The following MDGA2 variants were observed in gnomAD, a reference collection of about 807,000 sequenced individuals.
The protein encoded by MDGA2 is MAM domain containing glycosylphosphatidylinositol anchor 2, also known as MAM domain-containing glycosylphosphatidylinositol anchor protein 2.
MDGA2 carries 40 observed loss-of-function variants against 117.8 expected under a neutral mutation model. The ratio of observed to expected loss-of-function variants is 0.34; its 90% CI spans 0.26 to 0.44. MDGA2 has a LOEUF of 0.44. MDGA2 is among the 20% of genes least tolerant of loss of function. The probability of loss-of-function intolerance (pLI) is 1.00; values close to 1 mark genes in which losing one functional copy is unlikely to be tolerated. For synonymous variants in MDGA2, 452 were observed against 439.0 expected, an observed-to-expected ratio of 1.03 and a Z score of -0.37; for missense variants, 1,123 against 1,250.6, an observed-to-expected ratio of 0.90 and a Z score of 1.54.
chr14:47,177,725 C>T lies in MDGA2; in HGVS notation c.596-33451G>A, dbSNP rs139647379. Among the ~76,000 whole-genome samples, 17 of 152,158 alleles carry T rather than the reference C, an allele frequency of 1.1e-4. No homozygotes were observed. In the East Asian group the frequency reaches 2.9e-3, roughly 26 times the overall value. The stretch of plus-strand genomic sequence containing the variant: ...AAGTGACAAGTTAATGGGTGCAGCA[C>T]ACCAGCATGGCACACGTATACATAT... On this transcript the variant is annotated intron_variant, in intron 3 of 16. Coordinates refer to ENST00000399232, the MANE Select transcript of MDGA2 (RefSeq NM_001113498.3).
At position 47,588,386 on chromosome 14, in the gene MDGA2, A is replaced by G. The variant is rs554015027; in HGVS notation, c.280+86131T>C. On this transcript the variant is annotated intron_variant, in intron 1 of 16. Coordinates refer to ENST00000399232, the MANE Select transcript of MDGA2 (RefSeq NM_001113498.3). ...TTTATATTTCTACCAACAATGTATG[A>G]GGGTATCAATTTCTAACATCCTTGT... Among the ~76,000 whole-genome samples, 4 of 151,600 alleles carry G rather than the reference A, an allele frequency of 2.6e-5. No individual in the cohort carries two copies. The South Asian group carries it at 8.3e-4, about 32-fold the overall frequency.
chr14:46,937,377 C>T (rs1319096516), intron 9 of MDGA2, among the ~76,000 whole-genome samples: 7 of 151,832 alleles, frequency 4.6e-5, no homozygotes, highest in Admixed American at 2.0e-4. Context: ...AATGACCACA[C>T]ACAAAAGCAA....
At chr14:47,314,010 G>A (rs544640948) in intron 1 of MDGA2, among the ~76,000 whole-genome samples, 1 of 152,186 alleles carries the variant, frequency 6.6e-6, no homozygotes, top group African/African-American at 2.4e-5. Flanking sequence ...ATATTACATT[G>A]GCATGGAAAA....
intron 2 of MDGA2, among the ~76,000 whole-genome samples, chr14:47,221,464 G>A (rs1448758802): frequency 7.2e-5 from 11 of 152,100 alleles, no homozygotes; most frequent in African/African-American, 1.4e-4. Flanking sequence ...CGAGGCAGGC[G>A]GATCACGAGG....
intron 1 of MDGA2, among the ~76,000 whole-genome samples, chr14:47,653,260 T>C (rs957398424): frequency 7.2e-5 from 11 of 152,270 alleles, no homozygotes; most frequent in Middle Eastern, 3.4e-3. Context: ...ATAGATTTCA[T>C]TCATCCAGGA....
At chr14:47,385,847 A>C (rs1404507950) in intron 1 of MDGA2, among the ~76,000 whole-genome samples, 1 of 152,238 alleles carries the variant, frequency 6.6e-6, no homozygotes. Context: ...TACCTATTTT[A>C]TAATGTTGAT....
chr14:46,937,265 T>C (rs1379175779), intron 9 of MDGA2, among the ~76,000 whole-genome samples: 1 of 74,672 alleles, frequency 1.3e-5, no homozygotes, highest in Non-Finnish European at 2.6e-5. Context: ...AAGTAAAAGA[T>C]CTTTATAAGG....
chr14:46,956,665 G>C (rs1229804770), intron 9 of MDGA2, among the ~76,000 whole-genome samples: 1 of 151,728 alleles, frequency 6.6e-6, no homozygotes, highest in Admixed American at 6.6e-5. Context: ...AAAAATGTTT[G>C]CAACTTGATC....
intron 2 of MDGA2, among the ~76,000 whole-genome samples, chr14:47,226,724 T>C (rs1053240596): frequency 1.3e-5 from 2 of 152,126 alleles, no homozygotes; most frequent in African/African-American, 4.8e-5. Context: ...AAGACATTAC[T>C]CTTGGGCCCC....
chr14:47,478,444 A>G (rs2138629908), intron 1 of MDGA2, among the ~76,000 whole-genome samples: 1 of 152,238 alleles, frequency 6.6e-6, no homozygotes, highest in South Asian at 2.1e-4. Flanking sequence ...TGGCGCTATC[A>G]CAGGTCACCG....
intron 3 of MDGA2, among the ~76,000 whole-genome samples, chr14:47,174,163 C>T (rs1205843661): frequency 6.6e-6 from 1 of 152,056 alleles, no homozygotes; most frequent in Non-Finnish European, 1.5e-5. Context: ...CCTGAGTGAC[C>T]TACAAAGAGA....
chr14:47,138,405 C>CA (rs1349571340), intron 4 of MDGA2, among the ~76,000 whole-genome samples: 1 of 151,820 alleles, frequency 6.6e-6, no homozygotes, highest in Non-Finnish European at 1.5e-5. Flanking sequence ...GGTATAATTA[C>CA]AATACACAAG....
At chr14:47,674,395 G>T (rs541663081) in intron 1 of MDGA2, 122 bp downstream of exon 1, 4 of 792,440 alleles carry the variant, frequency 5.0e-6, no homozygotes, top group African/African-American at 3.6e-5. Context: ...ATAACGTGAT[G>T]AAGTGTAAAT....
Position 47,451,486 on chromosome 14 carries a change from A to G in MDGA2, c.281-149936T>C, listed in dbSNP as rs184609256. Among the ~76,000 whole-genome samples the G allele has an allele frequency of 2.6e-4, 40 of 152,268 alleles. No individual in the cohort carries two copies. The East Asian group carries it at 7.7e-3, about 29-fold the overall frequency. ...AGATAACAGGATATGATTCTGGGAA[A>G]AGAGAATGTGGAACTGACTGCTAAA... On this transcript the variant is annotated intron_variant, in intron 1 of 16. Coordinates refer to ENST00000399232, the MANE Select transcript of MDGA2 (RefSeq NM_001113498.3).
intron 1 of MDGA2, among the ~76,000 whole-genome samples, chr14:47,452,201 A>C: frequency 6.6e-6 from 1 of 152,164 alleles, no homozygotes; most frequent in East Asian, 1.9e-4. Context: ...ACAAACTTAC[A>C]CATACTGATG....
At chr14:46,964,989 T>A (rs1342415191) in intron 8 of MDGA2, among the ~76,000 whole-genome samples, 1 of 114,090 alleles carries the variant, frequency 8.8e-6, no homozygotes, top group Non-Finnish European at 1.6e-5. Context: ...AGTGGCACGA[T>A]CTCGGCTCAC....
At chr14:47,096,626 A>T (rs970617701) in intron 6 of MDGA2, among the ~76,000 whole-genome samples, 10 of 152,034 alleles carry the variant, frequency 6.6e-5, no homozygotes, top group African/African-American at 2.4e-4. Flanking sequence ...TGGTATCACT[A>T]AGAATATGTT....
chr14:47,156,385 G>A (rs1883390854), intron 3 of MDGA2, among the ~76,000 whole-genome samples: 1 of 151,988 alleles, frequency 6.6e-6, no homozygotes, highest in African/African-American at 2.4e-5. Context: ...AAATAGCTTC[G>A]TTTGAGTTCA....
At chr14:46,896,307 A>C (rs907140992) in intron 10 of MDGA2, among the ~76,000 whole-genome samples, 3 of 152,204 alleles carry the variant, frequency 2.0e-5, no homozygotes, top group Admixed American at 2.0e-4. Context: ...ATAGAAGAAC[A>C]AAAGTAAGAA....
Sources: allele counts gnomAD v4.1 joint callset (sites outside exome capture counted in the v4.1 genomes callset), GRCh38; gene constraint gnomAD v4.1.1; transcripts MANE v1.5; gene names NCBI Gene and HGNC (gene_info 2026-07-23, HGNC 2026-07-21).